The following PARD3B variants were observed in gnomAD, a reference collection of about 807,000 sequenced individuals.
The protein encoded by PARD3B is par-3 family cell polarity regulator beta, also known as partitioning defective 3 homolog B.
Under a neutral mutation model 130.2 loss-of-function variants are expected in PARD3B, and 103 were observed. The ratio of observed to expected loss-of-function variants is 0.79; its 90% confidence interval spans 0.67 to 0.93. PARD3B has a LOEUF of 0.93. PARD3B is among the 40% of genes least tolerant of loss of function. The probability of loss-of-function intolerance (pLI) is 0.00; values close to 1 mark genes in which losing one functional copy is unlikely to be tolerated. For synonymous variants in PARD3B, 583 were observed against 553.2 expected (o/e 1.05, Z -0.76); for missense variants, 1,609 against 1,499.2 (o/e 1.07, Z -1.21).
At chr2:205,412,017 T>C (rs1424539267) in intron 19 of PARD3B, among the ~76,000 whole-genome samples, 2 of 152,208 alleles carry the variant, frequency 1.3e-5, no homozygotes, top group Admixed American at 1.3e-4. Flanking sequence ...TTCCATTCTA[T>C]ATATTACATT....
chr2:205,369,021 T>C (rs1255806965), intron 18 of PARD3B, among the ~76,000 whole-genome samples: 1 of 152,174 alleles, frequency 6.6e-6, no homozygotes, highest in Non-Finnish European at 1.5e-5. Flanking sequence ...TAAGTTCCTG[T>C]GTTGTTAAGT....
At position 204,761,380 on chromosome 2, in the gene PARD3B, AC is replaced by A. The variant is rs1052023874; in HGVS notation, c.222+75100del. On this transcript the variant is annotated intron_variant, in intron 2 of 22. Coordinates refer to ENST00000406610, the MANE Select transcript of PARD3B (RefSeq NM_001302769.2). ...CAGTTTCCTTGCTGAAAGAGTAGTC[AC>A]CAAGATAGTCTCCTAAGTTGAGAGC... Among the ~76,000 whole-genome samples the A allele has an allele frequency of 3.5e-4, 54 of 152,194 alleles. 1 individual carries two copies. The highest frequency in any genetic ancestry group is 1.8e-4 in the Non-Finnish European group (12 of 68,018).
At chr2:204,593,662 G>A (rs2033165823) in intron 1 of PARD3B, among the ~76,000 whole-genome samples, 1 of 152,166 alleles carries the variant, frequency 6.6e-6, no homozygotes, top group African/African-American at 2.4e-5. Context: ...ATACTGGGTA[G>A]AACAGGGAGA....
At position 205,270,878 on chromosome 2, in the gene PARD3B, C is replaced by T. The variant is rs1409473854; in HGVS notation, c.2185+25056C>T. Among the ~76,000 whole-genome samples, 5 of 152,112 alleles carry T rather than the reference C, an allele frequency of 3.3e-5. No homozygotes were observed. In the East Asian group the frequency reaches 9.7e-4, roughly 30 times the overall value. On this transcript the variant is annotated intron_variant, in intron 16 of 22. Coordinates refer to ENST00000406610, the MANE Select transcript of PARD3B (RefSeq NM_001302769.2). ...CCCAGACGGCTTTAACACATTTCCA[C>T]ACATAGCTCATTGTCCAGAATTGGC... is the stretch of plus-strand genomic sequence containing the variant.
At chr2:205,151,780 T>G (rs186700523) in intron 10 of PARD3B, among the ~76,000 whole-genome samples, 1 of 152,184 alleles carries the variant, frequency 6.6e-6, no homozygotes, top group Non-Finnish European at 1.5e-5. Flanking sequence ...AATATTGTTA[T>G]GTGTGAATTT....
chr2:205,587,965 G>A (rs1348156951), intron 22 of PARD3B, among the ~76,000 whole-genome samples: 1 of 152,198 alleles, frequency 6.6e-6, no homozygotes, highest in African/African-American at 2.4e-5. Flanking sequence ...GGCCTTAAGG[G>A]CAGGGCTTTG....
intron 2 of PARD3B, among the ~76,000 whole-genome samples, chr2:204,732,153 G>A (rs955483312): frequency 6.6e-5 from 10 of 151,608 alleles, no homozygotes; most frequent in African/African-American, 2.4e-4. Context: ...AGCCAGGAAA[G>A]CACTATCTTA....
chr2:204,777,177 A>G (rs951324925), intron 2 of PARD3B, among the ~76,000 whole-genome samples: 1 of 152,240 alleles, frequency 6.6e-6, no homozygotes, highest in African/African-American at 2.4e-5. Context: ...CAGTTTACCC[A>G]GTAGAGACCA....
chr2:205,343,782 A>C (rs1206131118), intron 18 of PARD3B, among the ~76,000 whole-genome samples: 9 of 142,884 alleles, frequency 6.3e-5, no homozygotes, highest in South Asian at 4.6e-4. Flanking sequence ...CCTTACCACC[A>C]CCCCCCACCC....
intron 18 of PARD3B, among the ~76,000 whole-genome samples, chr2:205,324,906 T>C (rs1389400335): frequency 3.3e-5 from 5 of 152,206 alleles, no homozygotes. Context: ...TTAACTTTGC[T>C]TGTTTATCCT....
intron 2 of PARD3B, among the ~76,000 whole-genome samples, chr2:204,704,929 A>G (rs2038064306): frequency 6.6e-6 from 1 of 152,218 alleles, no homozygotes; most frequent in South Asian, 2.1e-4. Flanking sequence ...TAATTGCTGC[A>G]GAGAACTGGA....
rs1440068809 is a variant in PARD3B, at chr2:204,545,801, C to T, written c.-199C>T. On this transcript the variant is annotated 5_prime_UTR_variant, in exon 1 of 23. Transcript: ENST00000406610. ...GGAGGTAACCCCTTTCCGCGGCCGC[C>T]CCTCCCCGATTCCCGCCACCTGCCG... 1.1e-5 allele frequency: 6 copies of T among 526,100 alleles called. No homozygotes were observed. The highest frequency in any genetic ancestry group is 1.9e-5 in the Non-Finnish European group (6 of 321,660). 32.6% of individuals were successfully genotyped at this position (526,100 alleles called of 1,614,324 possible). A position where few individuals can be genotyped will look rare whatever the true frequency, so the allele number is the denominator to read the frequency against.
At chr2:204,685,905 CTGAG>C (rs1471934111) in intron 1 of PARD3B, among the ~76,000 whole-genome samples, 2 of 152,054 alleles carry the variant, frequency 1.3e-5, no homozygotes, top group Admixed American at 6.6e-5. Context: ...TAAAAATTCC[CTGAG>C]TATGTTTTTC....
chr2:204,613,335 T>C (rs2033998516), intron 1 of PARD3B, among the ~76,000 whole-genome samples: 1 of 152,170 alleles, frequency 6.6e-6, no homozygotes. Flanking sequence ...ACCTGCCTTG[T>C]ACCTCCAAGC....
chr2:204,979,908 ACTAT>A (rs1359793125), intron 3 of PARD3B, among the ~76,000 whole-genome samples: 2 of 152,194 alleles, frequency 1.3e-5, no homozygotes, highest in African/African-American at 2.4e-5. Flanking sequence ...AATGTATAAG[ACTAT>A]CTTCATAACT....
intron 16 of PARD3B, among the ~76,000 whole-genome samples, chr2:205,290,946 T>A (rs2041586010): frequency 6.6e-6 from 1 of 152,178 alleles, no homozygotes; most frequent in African/African-American, 2.4e-5. Context: ...TGCCTGTGCC[T>A]TGATCTTGCA....
At chr2:205,178,230 A>G (rs76380556) in intron 13 of PARD3B, among the ~76,000 whole-genome samples, 7,270 of 79,020 alleles carry the variant, frequency 0.092, 248 homozygotes, top group Non-Finnish European at 0.11. Context: ...ATGGGGGGGG[A>G]AAAAAAAAAG....
intron 4 of PARD3B, among the ~76,000 whole-genome samples, chr2:205,092,821 A>C (rs1702188445): frequency 1.3e-5 from 2 of 152,160 alleles, no homozygotes; most frequent in Admixed American, 1.3e-4. Flanking sequence ...TGAGAATGTG[A>C]TTAACTCAAG....
chr2:205,411,970 C>T (rs2046614618), intron 19 of PARD3B, among the ~76,000 whole-genome samples: 1 of 152,148 alleles, frequency 6.6e-6, no homozygotes, highest in Admixed American at 6.5e-5. Context: ...CACTTGTAAC[C>T]ACTGTCATTA....
Sources: allele counts gnomAD v4.1 joint callset (sites outside exome capture counted in the v4.1 genomes callset), GRCh38; gene constraint gnomAD v4.1.1; transcripts MANE v1.5; gene names NCBI Gene and HGNC (gene_info 2026-07-23, HGNC 2026-07-21).